KDM2A: variants seen among roughly 807,000 people sequenced by gnomAD.
KDM2A encodes the protein lysine-specific demethylase 2A.
In KDM2A, 3 loss-of-function variants were observed where a neutral mutation model predicts 137.3. The observed-to-expected ratio is 0.02, with a 90% CI of 0.01 to 0.06. The LOEUF (loss-of-function observed/expected upper bound fraction) is 0.06. Ranked by LOEUF, KDM2A falls within the 10% of genes least tolerant of loss-of-function variation. The probability of loss-of-function intolerance (pLI) is 1.00; values close to 1 mark genes in which losing one functional copy is unlikely to be tolerated. For synonymous variants in KDM2A, 512 were observed against 541.5 expected (o/e 0.95, Z 0.76); for missense variants, 738 against 1,510.6 (o/e 0.49, Z 8.48).
At chr11:67,193,076 G>A (rs1028623106) in intron 5 of KDM2A, among the ~76,000 whole-genome samples, 5 of 151,820 alleles carry the variant, frequency 3.3e-5, no homozygotes, top group East Asian at 3.9e-4. Flanking sequence ...TGCAACCTCC[G>A]CCTCCCAGGT....
intron 17 of KDM2A, among the ~76,000 whole-genome samples, chr11:67,251,567 A>G (rs551965245): frequency 9.2e-5 from 14 of 152,350 alleles, no homozygotes; most frequent in Admixed American, 4.6e-4. Context: ...GTCCTGACCA[A>G]TGGCATTCAC....
chr11:67,163,638 A>G (rs940632106), intron 2 of KDM2A, among the ~76,000 whole-genome samples: 1 of 152,126 alleles, frequency 6.6e-6, no homozygotes, highest in African/African-American at 2.4e-5. Flanking sequence ...CAGATCATGA[A>G]TGAGGTCAAG....
intron 6 of KDM2A, among the ~76,000 whole-genome samples, chr11:67,209,233 G>A (rs182736314): frequency 2.6e-5 from 4 of 151,348 alleles, no homozygotes; most frequent in Non-Finnish European, 4.4e-5. Context: ...ACACCGGGCC[G>A]AAAGGAACTA....
At position 67,250,690 on chromosome 11, in the gene KDM2A, A is replaced by C; in HGVS notation, c.2660A>C (p.Asp887Ala). ...AATGGCCGGGGCAGTTGGGCTCAGG[A>C]TGGAGACGAAAGCTGGATGCAGCGG... ...RLNGRGSWAQ[D>A]GDESWMQREV... The change falls in exon 17 of 21, where the codon GAT (aspartate) becomes GCT (alanine). Residue 887 changes from aspartate (D) to alanine (A), a missense_variant. By Grantham distance (126) the Asp-to-Ala change is moderately radical. Transcript: ENST00000529006. The surrounding 1 kb of genome is among the most constrained non-coding windows in gnomAD (Gnocchi z 7.1). The C allele has an allele frequency of 6.3e-7, 1 of 1,597,754 alleles. No homozygotes were observed. The highest frequency in any genetic ancestry group is 8.5e-7 in the Non-Finnish European group (1 of 1,170,616).
chr11:67,228,375 G>A (rs1858608785), intron 11 of KDM2A, among the ~76,000 whole-genome samples: 1 of 152,128 alleles, frequency 6.6e-6, no homozygotes, highest in African/African-American at 2.4e-5. Context: ...CTTTGTCTGA[G>A]TTGCTATTAC....
intron 2 of KDM2A, among the ~76,000 whole-genome samples, chr11:67,127,390 G>A (rs1855754864): frequency 1.3e-5 from 2 of 152,016 alleles, no homozygotes; most frequent in African/African-American, 4.8e-5. Context: ...CAAAGTGCTG[G>A]GAGTACAGGT....
At chr11:67,188,488 A>C (rs555048336) in intron 5 of KDM2A, among the ~76,000 whole-genome samples, 1 of 150,678 alleles carries the variant, frequency 6.6e-6, no homozygotes, top group South Asian at 2.1e-4. Flanking sequence ...TCTCAAAAAA[A>C]AAAAAAAAGA....
chr11:67,178,960 T>C (rs1041784481), intron 2 of KDM2A, among the ~76,000 whole-genome samples: 5 of 152,242 alleles, frequency 3.3e-5, no homozygotes, highest in Non-Finnish European at 5.9e-5. Flanking sequence ...TGTTTAACTT[T>C]TTGAGAAACT....
intron 2 of KDM2A, among the ~76,000 whole-genome samples, chr11:67,155,129 C>T (rs1250210636): frequency 3.3e-5 from 5 of 152,162 alleles, no homozygotes; most frequent in Non-Finnish European, 5.9e-5. Flanking sequence ...GTTCTCATGC[C>T]TCAGCCTCCT....
chr11:67,177,538 A>G (rs757107047), intron 2 of KDM2A, among the ~76,000 whole-genome samples: 9 of 152,128 alleles, frequency 5.9e-5, no homozygotes, highest in Admixed American at 3.3e-4. Flanking sequence ...GGTCATCAGT[A>G]TCACAGAGCG....
At chr11:67,249,012 G>A (rs1228212301) in intron 16 of KDM2A, among the ~76,000 whole-genome samples, 1 of 152,256 alleles carries the variant, frequency 6.6e-6, no homozygotes, top group Non-Finnish European at 1.5e-5. Flanking sequence ...ACCTACAGGA[G>A]GAGATGGCTT....
intron 6 of KDM2A, among the ~76,000 whole-genome samples, chr11:67,210,646 T>C (rs1023997292): frequency 6.6e-6 from 1 of 152,152 alleles, no homozygotes; most frequent in Admixed American, 6.6e-5. Context: ...AATACTAATA[T>C]CTTACGGGGA....
At position 67,245,165 on chromosome 11, in the gene KDM2A, G is replaced by T; in HGVS notation, c.1564-24G>T. ...AGTCTTAAAGCAACCTGATATATTTGACCTCACTGCTTTCTCTTTCCAGCT... is the reference window on the plus strand; with the variant it reads ...AGTCTTAAAGCAACCTGATATATTTTACCTCACTGCTTTCTCTTTCCAGCT... On this transcript the variant is annotated intron_variant, in intron 13 of 20. Transcript: ENST00000529006. This position sits in a 1 kb window ranked among gnomAD's most constrained non-coding sequence, Gnocchi z 4.1. The T allele has an allele frequency of 6.2e-7, 1 of 1,609,122 alleles. No homozygotes were observed. The highest frequency in any genetic ancestry group is 1.1e-5 in the South Asian group (1 of 90,884).
intron 5 of KDM2A, chr11:67,196,397 C>G: frequency 2.2e-6 from 1 of 456,062 alleles, no homozygotes. Flanking sequence ...GCTTTAACCT[C>G]TTGCATAGCT....
At position 67,250,404 on chromosome 11, in the gene KDM2A, G is replaced by A; in HGVS notation, c.2374G>A (p.Ala792Thr). 8 of 1,614,048 alleles carry A rather than the reference G, an allele frequency of 5.0e-6. No homozygotes were observed. The highest frequency in any genetic ancestry group is 6.8e-6 in the Non-Finnish European group (8 of 1,179,902). ...GKKELSEVEK[A>T]KIRGSYLTVT... ...AAAGGAGCTGTCTGAAGTTGAGAAA[G>A]CCAAGATCCGGGGATCGTACCTCAC... Residue 792 changes from alanine to threonine, a missense_variant, in exon 17 of 21, where the codon GCC becomes ACC. Physicochemically the swap from Ala to Thr is moderately conservative, Grantham distance 58. This residue lies in a region of KDM2A where 244 missense variants were observed against 324.6 expected (regional missense o/e 0.75). Coordinates refer to ENST00000529006, the MANE Select transcript of KDM2A (RefSeq NM_012308.3). This position sits in a 1 kb window ranked among gnomAD's most constrained non-coding sequence, Gnocchi z 7.1.
At chr11:67,229,370 C>G (rs1488504862) in intron 11 of KDM2A, among the ~76,000 whole-genome samples, 1 of 152,158 alleles carries the variant, frequency 6.6e-6, no homozygotes, top group African/African-American at 2.4e-5. Context: ...TCCCCAACAT[C>G]TATCAGAGAA....
intron 17 of KDM2A, among the ~76,000 whole-genome samples, chr11:67,251,966 C>T (rs542035215): frequency 1.3e-5 from 2 of 152,126 alleles, no homozygotes; most frequent in African/African-American, 4.8e-5. Flanking sequence ...GTCTCTCTTC[C>T]CCTGCCAACC....
intron 11 of KDM2A, among the ~76,000 whole-genome samples, chr11:67,230,350 A>AG (rs1353411112): frequency 6.6e-6 from 1 of 152,118 alleles, no homozygotes; most frequent in Admixed American, 6.6e-5. Flanking sequence ...CATATAGACC[A>AG]GGCATGGTGG....
At chr11:67,127,552 A>G (rs1019956071) in intron 2 of KDM2A, among the ~76,000 whole-genome samples, 1 of 152,188 alleles carries the variant, frequency 6.6e-6, no homozygotes, top group Non-Finnish European at 1.5e-5. Context: ...CCTGTCTTAC[A>G]TATAATTATG....
Sources: allele counts gnomAD v4.1 joint callset (sites outside exome capture counted in the v4.1 genomes callset), GRCh38; gene constraint gnomAD v4.1.1; regional missense constraint gnomAD v4.1.1; non-coding constraint Gnocchi (gnomAD v3.1); transcripts MANE v1.5; gene names NCBI Gene and HGNC (gene_info 2026-07-23, HGNC 2026-07-21).